Variants in NUP98 observed in about 807,000 individuals in gnomAD.
NUP98 encodes the protein nuclear pore complex protein Nup98-Nup96.
In NUP98, 26 loss-of-function variants were observed where a neutral mutation model predicts 191.9. That is an observed-to-expected ratio of 0.14 (90% CI 0.10 to 0.19). NUP98 has a LOEUF of 0.19. Among genes scored for constraint, NUP98 ranks in the 10% least tolerant of loss-of-function variants. The pLI, the probability that NUP98 is intolerant of heterozygous loss-of-function variation, is 1.00. For missense variants in NUP98, 1,941 were observed against 2,178.8 expected (o/e 0.89, Z 2.17); for synonymous variants, 808 against 778.4 (o/e 1.04, Z -0.63).
At chr11:3,761,476 A>G (rs1234120928) in intron 9 of NUP98, among the ~76,000 whole-genome samples, 3 of 152,130 alleles carry the variant, frequency 2.0e-5, no homozygotes, top group Non-Finnish European at 4.4e-5. Context: ...TACAAAAATT[A>G]AGGCCAGGAG....
chr11:3,685,613 C>T (rs139681322), intron 29 of NUP98, among the ~76,000 whole-genome samples: 14 of 152,196 alleles, frequency 9.2e-5, no homozygotes, highest in African/African-American at 3.1e-4. Context: ...GGCATATTCT[C>T]TCATTTCCAC....
intron 1 of NUP98, among the ~76,000 whole-genome samples, chr11:3,788,278 T>A (rs2082210938): frequency 6.6e-6 from 1 of 152,182 alleles, no homozygotes; most frequent in Admixed American, 6.5e-5. Flanking sequence ...GTGAAGAGTA[T>A]ATTAGCTTTG....
chr11:3,688,270 G>A (rs1447107740), intron 28 of NUP98, among the ~76,000 whole-genome samples: 2 of 152,078 alleles, frequency 1.3e-5, no homozygotes, highest in East Asian at 1.9e-4. Context: ...GCCGGGCGTG[G>A]TGGTGGGTGC....
chr11:3,776,120 C>A, intron 4 of NUP98, 99 bp from the exon 5 acceptor site: 262 of 578,500 alleles, frequency 4.5e-4, no homozygotes, highest in Non-Finnish European at 6.1e-4. Flanking sequence ...CACAGTACTT[C>A]ATTTTTTTTT....
chr11:3,746,213 G>C (rs1315850374), intron 11 of NUP98, among the ~76,000 whole-genome samples: 2 of 126,530 alleles, frequency 1.6e-5, no homozygotes, highest in African/African-American at 6.1e-5. Flanking sequence ...AGGTTGCGGT[G>C]AGCCAAGATC....
chr11:3,760,756 G>T (rs1409933528), intron 9 of NUP98, 130 bp from the exon 10 acceptor site: 1 of 629,024 alleles, frequency 1.6e-6, no homozygotes, highest in Non-Finnish European at 2.6e-6. Context: ...CATAAAAAAG[G>T]TAGAAAAAAG....
In NUP98 at chr11:3,756,771, T is replaced by C. The variant is rs557149491; in HGVS notation, c.1175-3363A>G. The stretch of plus-strand genomic sequence containing the variant: ...CATATATATCTTAATATACATCACA[T>C]ATAACATCAAATATATCTTTAAAAA... On this transcript the variant is annotated intron_variant, in intron 10 of 32. Coordinates refer to ENST00000324932, the MANE Select transcript of NUP98 (RefSeq NM_016320.5). Among the ~76,000 whole-genome samples the C allele has an allele frequency of 2.2e-4, 33 of 152,118 alleles. No individual in the cohort carries two copies. The South Asian group carries it at 6.8e-3, about 32-fold the overall frequency.
At chr11:3,729,647 C>T (rs1236320561) in intron 14 of NUP98, among the ~76,000 whole-genome samples, 1 of 132,294 alleles carries the variant, frequency 7.6e-6, no homozygotes, top group Non-Finnish European at 1.5e-5. Context: ...GCCCAGGGGT[C>T]GAAGGTGCAG....
chr11:3,790,956 C>T (rs975729254), intron 1 of NUP98, among the ~76,000 whole-genome samples: 22 of 149,888 alleles, frequency 1.5e-4, no homozygotes, highest in Admixed American at 2.0e-4. Flanking sequence ...AGTGAAGTGA[C>T]GCAATCTCGG....
chr11:3,779,826 A>G (rs1289364888), intron 2 of NUP98, among the ~76,000 whole-genome samples: 1 of 151,300 alleles, frequency 6.6e-6, no homozygotes, highest in Non-Finnish European at 1.5e-5. Flanking sequence ...ACAGATGTTC[A>G]TAGGTTAAAA....
chr11:3,689,262 C>A (rs1057245217), intron 28 of NUP98, among the ~76,000 whole-genome samples: 2 of 151,998 alleles, frequency 1.3e-5, no homozygotes, highest in Non-Finnish European at 2.9e-5. Context: ...TGCAGTGGCT[C>A]GCGCCTGTAA....
At chr11:3,781,992 A>T (rs1319319575) in intron 2 of NUP98, 50 bp downstream of exon 2, 1 of 1,246,708 alleles carries the variant, frequency 8.0e-7, no homozygotes, top group African/African-American at 1.5e-5. Context: ...ATTTGTTCTT[A>T]GTAAGGGAGA....
rs182123459 is a variant in NUP98 at position 3,700,175 on chromosome 11, G to A, written c.3742+435C>T. ...TCGAGACAATCCTGGCCAATATGGT[G>A]AAACCCTGTCTCTACTAAGAATACA... On this transcript the variant is annotated intron_variant, in intron 24 of 32. Coordinates refer to ENST00000324932, the MANE Select transcript of NUP98 (RefSeq NM_016320.5). Among the ~76,000 whole-genome samples the A allele has an allele frequency of 6.7e-4, 98 of 147,024 alleles. 1 individual carries two copies. The highest frequency in any genetic ancestry group is 8.5e-4 in the Non-Finnish European group (57 of 67,378).
Position 3,780,039 on chromosome 11 carries a change from A to G in NUP98, c.77-782T>C, listed in dbSNP as rs904265533. Reference sequence around the variant, plus strand: ...TCTTTCATTAGCGGAACACATCAGAACAACCTGGGAAGCTTTTTCAAAATA... The same window carrying G: ...TCTTTCATTAGCGGAACACATCAGAGCAACCTGGGAAGCTTTTTCAAAATA... On this transcript the variant is annotated intron_variant, in intron 2 of 32. Transcript: ENST00000324932. Among the ~76,000 whole-genome samples, 19 of 152,180 alleles carry G rather than the reference A, an allele frequency of 1.2e-4. 1 individual carries two copies. The highest frequency in any genetic ancestry group is 2.1e-4 in the Non-Finnish European group (14 of 68,032).
At chr11:3,721,437 C>T (rs1046345450) in intron 16 of NUP98, among the ~76,000 whole-genome samples, 1 of 152,178 alleles carries the variant, frequency 6.6e-6, no homozygotes, top group Non-Finnish European at 1.5e-5. Flanking sequence ...GTGGCTCATG[C>T]CTGTAATCCA....
At chr11:3,712,263 CTTAAG>C (rs1384437229) in intron 20 of NUP98, 8 of 1,152,194 alleles carry the variant, frequency 6.9e-6, no homozygotes, top group African/African-American at 3.2e-5. Context: ...ATGAGCAAAT[CTTAAG>C]TTAATCACTG....
At position 3,676,580 on chromosome 11, in the gene NUP98, T is replaced by C; in HGVS notation, c.5114A>G (p.Lys1705Arg). 6.2e-7 allele frequency: 1 copy of C among 1,614,224 alleles called. No homozygotes were observed. The highest frequency in any genetic ancestry group is 8.5e-7 in the Non-Finnish European group (1 of 1,180,048). Reference sequence around the variant, plus strand: ...TATCCGACTGCACAGTGAAGTCACTTTGATGTGTAACTGCTCCAGGTCATT... The same window carrying C: ...TATCCGACTGCACAGTGAAGTCACTCTGATGTGTAACTGCTCCAGGTCATT... ...SGNDLEQLHIKVTSLCSRIEQ... is the reference protein window; with the variant it reads ...SGNDLEQLHIRVTSLCSRIEQ... The change falls in exon 32 of 33, where the codon AAA becomes AGA. Residue 1705 changes from lysine to arginine, a missense_variant. Lys to Arg is a conservative substitution (Grantham distance 26, BLOSUM62 2). Transcript: ENST00000324932.
At chr11:3,684,886 T>C (rs2078094047) in intron 29 of NUP98, among the ~76,000 whole-genome samples, 1 of 151,036 alleles carries the variant, frequency 6.6e-6, no homozygotes, top group South Asian at 2.1e-4. Context: ...GTGGTAGATC[T>C]AGAATTTAGA....
chr11:3,717,650 T>C (rs911347511), intron 18 of NUP98, among the ~76,000 whole-genome samples: 3 of 152,208 alleles, frequency 2.0e-5, no homozygotes, highest in African/African-American at 4.8e-5. Context: ...TTTTCAAAAC[T>C]GTATTAACTT....
Sources: allele counts gnomAD v4.1 joint callset (sites outside exome capture counted in the v4.1 genomes callset), GRCh38; gene constraint gnomAD v4.1.1; transcripts MANE v1.5; gene names NCBI Gene and HGNC (gene_info 2026-07-23, HGNC 2026-07-21).